SLC44A5: variants seen among roughly 807,000 people sequenced by gnomAD.
SLC44A5 encodes the protein solute carrier family 44 member 5, also known as choline transporter-like protein 5.
In SLC44A5, 57 loss-of-function variants were observed where a neutral mutation model predicts 101.8. That is an observed-to-expected ratio of 0.56 (90% CI 0.45 to 0.70). The LOEUF (loss-of-function observed/expected upper bound fraction) is 0.70. SLC44A5 is among the 30% of genes least tolerant of loss of function. The pLI is 0.00. For missense variants in SLC44A5, 737 were observed against 853.1 expected (o/e 0.86, Z 1.70); for synonymous variants, 281 against 290.9 (o/e 0.97, Z 0.35).
chr1:75,519,946 C>A (rs1241323419), intron 2 of SLC44A5, among the ~76,000 whole-genome samples: 2 of 152,196 alleles, frequency 1.3e-5, no homozygotes, highest in Non-Finnish European at 1.5e-5. Context: ...GATGTAGGAC[C>A]AGCTCAATCA....
At chr1:75,352,987 ATTTC>A (rs1658798930) in intron 3 of SLC44A5, among the ~76,000 whole-genome samples, 2 of 152,264 alleles carry the variant, frequency 1.3e-5, no homozygotes, top group South Asian at 4.1e-4. Flanking sequence ...GTAGTTTACT[ATTTC>A]TTATACATTC....
At chr1:75,357,072 T>G in intron 3 of SLC44A5, 1 of 403,736 alleles carries the variant, frequency 2.5e-6, no homozygotes, top group Non-Finnish European at 5.0e-6. Flanking sequence ...CTATCTTTTT[T>G]CTCAACTCTT....
At chr1:75,573,528 T>G (rs962285668) in intron 1 of SLC44A5, among the ~76,000 whole-genome samples, 15 of 152,180 alleles carry the variant, frequency 9.9e-5, no homozygotes, top group African/African-American at 3.4e-4. Context: ...ATTGCATGTT[T>G]ATCAATGCAC....
At chr1:75,367,313 C>A (rs1262550175) in intron 3 of SLC44A5, among the ~76,000 whole-genome samples, 1 of 152,138 alleles carries the variant, frequency 6.6e-6, no homozygotes, top group African/African-American at 2.4e-5. Flanking sequence ...AGTCTGTTGT[C>A]AGGGGGCTTA....
chr1:75,586,459 T>TTATA (rs137985325), intron 1 of SLC44A5, among the ~76,000 whole-genome samples: 1 of 133,560 alleles, frequency 7.5e-6, no homozygotes, highest in African/African-American at 2.5e-5. Flanking sequence ...ATTTAAGAAA[T>TTATA]TATATATATA....
chr1:75,701,350 A>G, the SLC44A5 span, among the ~76,000 whole-genome samples: 2 of 152,240 alleles, frequency 1.3e-5, no homozygotes, highest in East Asian at 3.8e-4. Flanking sequence ...GGCTGGTTCA[A>G]CATACGCAAA....
chr1:75,664,987 G>T, the SLC44A5 span, among the ~76,000 whole-genome samples: 5 of 150,466 alleles, frequency 3.3e-5, no homozygotes, highest in Non-Finnish European at 7.4e-5. Context: ...AACATTATAC[G>T]TTTATAGATG....
chr1:75,547,398 T>C (rs1404547102), intron 1 of SLC44A5, among the ~76,000 whole-genome samples: 1 of 152,040 alleles, frequency 6.6e-6, no homozygotes, highest in African/African-American at 2.4e-5. Context: ...CAATGGAAAT[T>C]TTAAATAAGT....
At chr1:75,260,909 T>A (rs1650444365) in intron 6 of SLC44A5, among the ~76,000 whole-genome samples, 1 of 152,096 alleles carries the variant, frequency 6.6e-6, no homozygotes, top group Non-Finnish European at 1.5e-5. Context: ...GTAGACAACA[T>A]GCTCCTGAAT....
chr1:75,326,862 A>G (rs1442243023), intron 4 of SLC44A5, among the ~76,000 whole-genome samples: 1 of 152,110 alleles, frequency 6.6e-6, no homozygotes, highest in Admixed American at 6.6e-5. Context: ...CAAATGCAAA[A>G]CTGTAGAAGA....
chr1:75,430,920 G>A lies in SLC44A5; in HGVS notation c.14-34299C>T, dbSNP rs533483325. 3.9e-5 allele frequency among the ~76,000 whole-genome samples: 6 copies of A among 152,298 alleles called. No individual in the cohort carries two copies. In the South Asian group the frequency reaches 1.2e-3, roughly 32 times the overall value. On this transcript the variant is annotated intron_variant, in intron 2 of 23. Coordinates refer to ENST00000370859, the MANE Select transcript of SLC44A5 (RefSeq NM_001130058.2). ...CCACCTCTCTTGTAACTTTGCCCAA[G>A]CACACAATTTCATTTAAACATCCAG...
At chr1:75,546,720 T>C (rs895535088) in intron 1 of SLC44A5, among the ~76,000 whole-genome samples, 1 of 152,188 alleles carries the variant, frequency 6.6e-6, no homozygotes, top group Admixed American at 6.5e-5. Context: ...AGCTCTGTCT[T>C]GTTCCAATGC....
At chr1:75,638,731 C>T in the SLC44A5 span, among the ~76,000 whole-genome samples, 6 of 152,178 alleles carry the variant, frequency 3.9e-5, no homozygotes, top group African/African-American at 1.2e-4. Context: ...GGACAAAAAA[C>T]AAAATTCATT....
At chr1:75,243,977 G>T (rs1185100274) in intron 7 of SLC44A5, among the ~76,000 whole-genome samples, 1 of 151,506 alleles carries the variant, frequency 6.6e-6, no homozygotes, top group East Asian at 1.9e-4. Context: ...CCTCTCTCTT[G>T]CTTCCTCACT....
chr1:75,511,237 A>T (rs1317929622), intron 2 of SLC44A5, among the ~76,000 whole-genome samples: 1 of 152,260 alleles, frequency 6.6e-6, no homozygotes, highest in Non-Finnish European at 1.5e-5. Flanking sequence ...CAGGAACAGA[A>T]ATGCTAAATG....
chr1:75,620,752 A>G, the SLC44A5 span, among the ~76,000 whole-genome samples: 1 of 152,078 alleles, frequency 6.6e-6, no homozygotes, highest in Non-Finnish European at 1.5e-5. Context: ...ATGGATAGAT[A>G]GCAAAAATTT....
intron 18 of SLC44A5, among the ~76,000 whole-genome samples, chr1:75,216,858 C>T (rs1646972274): frequency 6.6e-6 from 1 of 151,902 alleles, no homozygotes; most frequent in Admixed American, 6.6e-5. Flanking sequence ...ATATGAATTC[C>T]TTATCTGGCA....
At chr1:75,571,288 A>G (rs1673059330) in intron 1 of SLC44A5, among the ~76,000 whole-genome samples, 1 of 152,092 alleles carries the variant, frequency 6.6e-6, no homozygotes, top group Non-Finnish European at 1.5e-5. Context: ...CTCCCAAGAC[A>G]TAGAACAGTA....
chr1:75,659,443 GGGAA>G, the SLC44A5 span, among the ~76,000 whole-genome samples: 2,250 of 60,994 alleles, frequency 0.037, 73 homozygotes, highest in East Asian at 0.28. Flanking sequence ...GAGGGAGGGA[GGGAA>G]GGAAGGAAGG....
Sources: gnomAD v4.1 joint callset for allele counts (sites outside exome capture counted in the v4.1 genomes callset) on GRCh38, gnomAD v4.1.1 for gene constraint, MANE v1.5 for transcripts, NCBI Gene and HGNC (gene_info 2026-07-23, HGNC 2026-07-21) for gene names.